The following RADX variants were observed in gnomAD, a reference collection of about 807,000 sequenced individuals.
RADX encodes RPA1 related single stranded DNA binding protein, X-linked.
In RADX, 36 loss-of-function variants were observed where a neutral mutation model predicts 61.6. That is an observed-to-expected ratio of 0.58 (90% confidence interval 0.45 to 0.77). The LOEUF (loss-of-function observed/expected upper bound fraction) is 0.77, where lower values mean the gene tolerates loss of function less well. RADX is among the 30% of genes least tolerant of loss of function. The probability of loss-of-function intolerance (pLI) is 0.00; values close to 1 mark genes in which losing one functional copy is unlikely to be tolerated. For missense variants in RADX, 497 were observed against 651.1 expected (o/e 0.76, Z 2.58); for synonymous variants, 272 against 237.9 (o/e 1.14, Z -1.32).
At chrX:106,673,687 C>A (rs753402584) in intron 13 of RADX, among the ~76,000 whole-genome samples, 1 of 104,771 alleles carries the variant, frequency 9.5e-6, no homozygotes, top group Admixed American at 1.0e-4. Flanking sequence ...CATCCCCCCC[C>A]ACACACACAC....
chrX:106,632,669 A>G lies in RADX; in HGVS notation c.1024A>G (p.Ile342Val), dbSNP rs775626783. Residue 342 changes from isoleucine (I) to valine (V), a missense_variant, in exon 4 of 14, where the codon ATT (isoleucine) becomes GTT (valine). Transcript: ENST00000372548. ...AGATCCCCCAACAAATATAATTATC[A>G]TTCCAGAAAAGCAGGTGAAACCAGA... ...LRDPPTNIIIIPEKQVKPEWR... is the reference protein window; with the variant it reads ...LRDPPTNIIIVPEKQVKPEWR... The G allele has an allele frequency of 8.3e-7, 1 of 1,204,586 alleles. No individual in the cohort carries two copies. The highest frequency in any genetic ancestry group is 3.0e-5 in the East Asian group (1 of 33,741).
At position 106,612,509 on chromosome X, in the gene RADX, A is replaced by G; in HGVS notation, c.429A>G (p.Ile143Met). 8.3e-7 allele frequency: 1 copy of G among 1,210,812 alleles called. No individual in the cohort carries two copies. Among genetic ancestry groups the G allele is most frequent in the South Asian group, 1.8e-5 (1 of 56,964 alleles). Residue 143 changes from isoleucine to methionine, a missense_variant, in exon 1 of 14, where the codon ATA becomes ATG. By Grantham distance (10) the Ile-to-Met change is conservative. This residue lies in a region of RADX where 196 missense variants were observed against 315.0 expected (regional missense o/e 0.62). Transcript: ENST00000372548. ...CATGTCTTTACAATGAGAAAAGGAT[A>G]GGCCAGGGGATCCTGTGCATAGATA... ...RVSCLYNEKR[I>M]GQGILCIDNV...
At position 106,669,406 on chromosome X, in the gene RADX, T is replaced by C. The variant is rs1285218223; in HGVS notation, c.2437+76T>C. 33 of 683,518 alleles carry C rather than the reference T, an allele frequency of 4.8e-5. 2 individuals are homozygous for C. The South Asian group carries it at 6.7e-4, about 14-fold the overall frequency. 56.3% of individuals were successfully genotyped at this position (683,518 alleles called of 1,213,427 possible). Reference sequence around the variant, plus strand: ...CAGCCCTAGCCTTAAGATTTTATTATGTAAACAGTTTTAGCCTTAAAATTT... The same window carrying C: ...CAGCCCTAGCCTTAAGATTTTATTACGTAAACAGTTTTAGCCTTAAAATTT... On this transcript the variant is annotated intron_variant, in intron 13 of 13. Transcript: ENST00000372548.
At chrX:106,629,743 A>G (rs770334581) in intron 3 of RADX, among the ~76,000 whole-genome samples, 7 of 111,488 alleles carry the variant, frequency 6.3e-5, no homozygotes, top group Non-Finnish European at 1.3e-4. Flanking sequence ...GAAAAATTAT[A>G]GGTCAGCTTC....
intron 11 of RADX, among the ~76,000 whole-genome samples, chrX:106,648,802 T>C (rs1328022078): frequency 9.0e-6 from 1 of 110,957 alleles, no homozygotes; most frequent in African/African-American, 3.3e-5. Flanking sequence ...TCTGGTGGGG[T>C]GTCCGTAGAG....
Position 106,669,767 on chromosome X carries a change from A to C in RADX, c.2437+437A>C, listed in dbSNP as rs778812414. ...TTAGTTATTCCAGTGCTATGCAATA[A>C]ATTTCTTGAGAACTGCTAGGAGCAT... On this transcript the variant is annotated intron_variant, in intron 13 of 13. Transcript: ENST00000372548. Among the ~76,000 whole-genome samples the C allele has an allele frequency of 2.7e-5, 3 of 111,820 alleles. No homozygotes were observed. In the South Asian group the frequency reaches 1.1e-3, roughly 41 times the overall value.
intron 10 of RADX, among the ~76,000 whole-genome samples, chrX:106,645,348 G>T: frequency 9.0e-6 from 1 of 110,685 alleles, no homozygotes. Flanking sequence ...TCATTAGGTT[G>T]CTTATTTGAA....
chrX:106,667,577 G>A (rs376278398), intron 12 of RADX, among the ~76,000 whole-genome samples: 8 of 110,525 alleles, frequency 7.2e-5, no homozygotes, highest in African/African-American at 2.6e-4. Flanking sequence ...CACCCACCTC[G>A]GCCTCCCAAA....
At chrX:106,619,887 G>A (rs1353736180) in intron 1 of RADX, among the ~76,000 whole-genome samples, 1 of 110,822 alleles carries the variant, frequency 9.0e-6, no homozygotes, top group Admixed American at 9.6e-5. Context: ...TTTTTATTGT[G>A]GTATAGTGTT....
chrX:106,638,216 T>G, intron 8 of RADX: 1 of 187,967 alleles, frequency 5.3e-6, no homozygotes, highest in Admixed American at 7.5e-5. Context: ...ATAGGTTGAG[T>G]ATTCCTAATC....
At chrX:106,647,242 G>A (rs909346826) in intron 10 of RADX, among the ~76,000 whole-genome samples, 2 of 111,041 alleles carry the variant, frequency 1.8e-5, no homozygotes, top group African/African-American at 3.3e-5. Flanking sequence ...AACATGCAAT[G>A]TTTATCTTTT....
intron 6 of RADX, among the ~76,000 whole-genome samples, chrX:106,635,636 A>G (rs948457034): frequency 5.4e-5 from 6 of 112,061 alleles, no homozygotes; most frequent in African/African-American, 1.9e-4. Flanking sequence ...AGAACTTAGT[A>G]AATATGAGAT....
intron 1 of RADX, among the ~76,000 whole-genome samples, chrX:106,613,679 A>G (rs752276473): frequency 2.7e-5 from 3 of 112,054 alleles, no homozygotes; most frequent in South Asian, 7.5e-4. Flanking sequence ...CTCAAAAACC[A>G]TGCAATTATA....
rs1603044918 is a variant in RADX at position 106,637,920 on chromosome X, T to C, written c.1569T>C (p.Ile523=). ...CATTTTCCAAGTATAGTAGTTCTAT[T>C]AAAGGTACTAATGTAATTGCCAGTC... ...PETFSKYSSS[I]KVESLLTAIS... is the part of the protein sequence containing the mutation. The change falls in exon 8 of 14, where the codon ATT becomes ATC. Residue 523 remains isoleucine, a synonymous_variant. Transcript: ENST00000372548. 1.7e-6 allele frequency: 2 copies of C among 1,194,308 alleles called. No individual in the cohort carries two copies. The highest frequency in any genetic ancestry group is 1.1e-6 in the Non-Finnish European group (1 of 879,740).
chrX:106,637,199 C>T (rs756322170), intron 7 of RADX, among the ~76,000 whole-genome samples: 1 of 111,185 alleles, frequency 9.0e-6, no homozygotes, highest in Admixed American at 9.6e-5. Flanking sequence ...GGGTGTTTAC[C>T]AGATTGTTAC....
intron 10 of RADX, among the ~76,000 whole-genome samples, chrX:106,644,734 T>C (rs1927614510): frequency 9.0e-6 from 1 of 111,393 alleles, no homozygotes; most frequent in Non-Finnish European, 1.9e-5. Flanking sequence ...TTTTCTTTTA[T>C]GGATGTGTCT....
chrX:106,645,096 G>A (rs773741966), intron 10 of RADX, among the ~76,000 whole-genome samples: 70 of 110,782 alleles, frequency 6.3e-4, no homozygotes, highest in Non-Finnish European at 7.6e-4. Context: ...TTGAATTTCT[G>A]CAGTATCAGT....
chrX:106,624,031 C>T (rs1927019615), intron 2 of RADX, among the ~76,000 whole-genome samples: 1 of 111,159 alleles, frequency 9.0e-6, no homozygotes, highest in Non-Finnish European at 1.9e-5. Flanking sequence ...GCTCTCTATG[C>T]TTCATACTAA....
In RADX at chrX:106,639,154, T is replaced by C. The variant is rs188575474; in HGVS notation, c.1574-373T>C. The C allele has an allele frequency of 4.2e-3, 502 of 120,345 alleles. 1 individual carries two copies. The highest frequency in any genetic ancestry group is 6.9e-3 in the Non-Finnish European group (408 of 59,020). The allele number at this position is 120,345 out of a possible 1,213,427, so 9.9% of individuals were successfully genotyped here. A position where few individuals can be genotyped will look rare whatever the true frequency, so the allele number is the denominator to read the frequency against. ...AAATGCGGACCTATCATCATCTAAA[T>C]ATTGGCATCCTCTTATACATCATAA... On this transcript the variant is annotated intron_variant, in intron 8 of 13. Coordinates refer to ENST00000372548, the MANE Select transcript of RADX (RefSeq NM_018015.6).
Sources: gnomAD v4.1 joint callset for allele counts (sites outside exome capture counted in the v4.1 genomes callset) on GRCh38, gnomAD v4.1.1 for gene constraint, gnomAD v4.1.1 regional missense constraint, MANE v1.5 for transcripts, NCBI Gene and HGNC (gene_info 2026-07-23, HGNC 2026-07-21) for gene names.